CFAP77: variants seen among roughly 807,000 people sequenced by gnomAD.
CFAP77 encodes the protein cilia and flagella associated protein 77.
In CFAP77, 25 loss-of-function variants were observed where a neutral mutation model predicts 31.1. The observed-to-expected ratio is 0.80, with a 90% CI of 0.59 to 1.12. The LOEUF is 1.12. Among genes scored for constraint, CFAP77 ranks in the 50% most tolerant of loss-of-function variants. The pLI is 0.00. For missense variants in CFAP77, 377 were observed against 397.3 expected (o/e 0.95, Z 0.44); for synonymous variants, 151 against 159.9 (o/e 0.94, Z 0.42).
intron 3 of CFAP77, among the ~76,000 whole-genome samples, chr9:132,532,005 T>C (rs75635631): frequency 0.026 from 3,921 of 152,308 alleles, 178 homozygotes; most frequent in African/African-American, 0.09. Flanking sequence ...TTTCAGATTA[T>C]GAATCTAGTG....
chr9:132,457,621 C>G (rs1850943610), intron 1 of CFAP77, among the ~76,000 whole-genome samples: 1 of 152,200 alleles, frequency 6.6e-6, no homozygotes, highest in Middle Eastern at 3.2e-3. Context: ...CGCCTTGTTG[C>G]TGGAATCTGG....
At chr9:132,502,287 G>GGGT (rs1554744830) in intron 3 of CFAP77, among the ~76,000 whole-genome samples, 5 of 147,822 alleles carry the variant, frequency 3.4e-5, no homozygotes, top group Non-Finnish European at 6.0e-5. Context: ...TGGGGGAGGG[G>GGGT]GGTGGTAGTT....
chr9:132,459,209 C>A (rs1358432334), intron 1 of CFAP77, among the ~76,000 whole-genome samples: 3 of 151,880 alleles, frequency 2.0e-5, no homozygotes, highest in Non-Finnish European at 4.4e-5. Flanking sequence ...GTAGCTGGGA[C>A]TACAGGCGCC....
intron 5 of CFAP77, among the ~76,000 whole-genome samples, chr9:132,563,096 T>C (rs1829842587): frequency 1.3e-5 from 2 of 152,042 alleles, no homozygotes; most frequent in African/African-American, 2.4e-5. Flanking sequence ...CATGGCTCAC[T>C]GCGGCCTCCA....
Position 132,412,748 on chromosome 9 carries a change from A to T in CFAP77, c.195+2282A>T, listed in dbSNP as rs182591483. 3.6e-3 allele frequency among the ~76,000 whole-genome samples: 548 copies of T among 152,186 alleles called. 3 individuals carry two copies. The highest frequency in any genetic ancestry group is 5.7e-3 in the Non-Finnish European group (390 of 68,014). On this transcript the variant is annotated intron_variant, in intron 1 of 5. Coordinates refer to ENST00000393216, the MANE Select transcript of CFAP77 (RefSeq NM_001282957.2). ...AACAGCTTCCTATATTAGTTTTTTT[A>T]AAAAAATTATGAAACAACTTTGGTG...
Position 132,481,780 on chromosome 9 carries a change from A to G in CFAP77, c.196-16915A>G, listed in dbSNP as rs1851449969. Among the ~76,000 whole-genome samples, 4 of 152,218 alleles carry G rather than the reference A, an allele frequency of 2.6e-5. No homozygotes were observed. In the South Asian group the frequency reaches 8.3e-4, roughly 32 times the overall value. The stretch of plus-strand genomic sequence containing the variant: ...GCCTCCTCCGCCTCAGCTATCTGCT[A>G]TGCTAACAGGTCAGCTGCCATTTTG... On this transcript the variant is annotated intron_variant, in intron 1 of 5. Coordinates refer to ENST00000393216, the MANE Select transcript of CFAP77 (RefSeq NM_001282957.2). The surrounding 1 kb of genome is among the most constrained non-coding windows in gnomAD (Gnocchi z 5.0).
At chr9:132,500,379 C>T (rs1051594328) in intron 3 of CFAP77, among the ~76,000 whole-genome samples, 2 of 152,118 alleles carry the variant, frequency 1.3e-5, no homozygotes, top group African/African-American at 4.8e-5. Context: ...GCCGAGGTTT[C>T]AGTGACGTAA....
intron 3 of CFAP77, among the ~76,000 whole-genome samples, chr9:132,520,993 C>T (rs1852254683): frequency 6.6e-6 from 1 of 152,250 alleles, no homozygotes; most frequent in Non-Finnish European, 1.5e-5. Context: ...TACTTCTGAA[C>T]ACAGTCCTGA....
chr9:132,571,494 G>T lies in CFAP77; in HGVS notation c.733-894G>T, dbSNP rs12346305. On this transcript the variant is annotated intron_variant, in intron 5 of 5. Transcript: ENST00000393216. Reference sequence around the variant, plus strand: ...TGTCTGCTCTCCCTCTAGAATAAAAGCTCCACGAGGGTAGAGCCGAGTCTC... The same window carrying T: ...TGTCTGCTCTCCCTCTAGAATAAAATCTCCACGAGGGTAGAGCCGAGTCTC... 4.2e-3 allele frequency among the ~76,000 whole-genome samples: 641 copies of T among 152,262 alleles called. 7 individuals are homozygous for T. The highest frequency in any genetic ancestry group is 0.015 in the African/African-American group (614 of 41,558).
chr9:132,550,758 T>C (rs760787345), intron 5 of CFAP77, among the ~76,000 whole-genome samples: 3 of 152,090 alleles, frequency 2.0e-5, no homozygotes, highest in African/African-American at 4.8e-5. Flanking sequence ...TCCCCACTTG[T>C]CAGCCTCCAT....
chr9:132,537,063 T>C (rs1476286305), intron 3 of CFAP77, among the ~76,000 whole-genome samples: 2 of 151,992 alleles, frequency 1.3e-5, no homozygotes, highest in Non-Finnish European at 2.9e-5. Context: ...AGTATAGAAC[T>C]GAGTTCAGTT....
At chr9:132,459,433 G>GTGTGTGTT (rs1275094151) in intron 1 of CFAP77, among the ~76,000 whole-genome samples, 4 of 151,538 alleles carry the variant, frequency 2.6e-5, no homozygotes, top group African/African-American at 9.7e-5. Flanking sequence ...GTGTGTGTGT[G>GTGTGTGTT]TGTGTGTGTG....
At chr9:132,433,818 G>T (rs1850456889) in intron 1 of CFAP77, among the ~76,000 whole-genome samples, 1 of 152,090 alleles carries the variant, frequency 6.6e-6, no homozygotes. Flanking sequence ...AAAGTGCTGT[G>T]ATTACAGGTG....
chr9:132,433,937 G>A (rs1029489170), intron 1 of CFAP77, among the ~76,000 whole-genome samples: 2 of 148,736 alleles, frequency 1.3e-5, no homozygotes, highest in African/African-American at 2.5e-5. Context: ...AGGAGTTAGA[G>A]ACCAGCCTGG....
At chr9:132,475,431 A>G (rs1742358687) in intron 1 of CFAP77, among the ~76,000 whole-genome samples, 1 of 152,178 alleles carries the variant, frequency 6.6e-6, no homozygotes, top group Non-Finnish European at 1.5e-5. Context: ...GCGTTACAGA[A>G]CCCAGGCTGG....
chr9:132,513,638 T>G (rs1194696538), intron 3 of CFAP77, among the ~76,000 whole-genome samples: 4 of 152,220 alleles, frequency 2.6e-5, no homozygotes, highest in Non-Finnish European at 5.9e-5. Context: ...TGTCCCACTG[T>G]CTGAATCGTC....
intron 3 of CFAP77, among the ~76,000 whole-genome samples, chr9:132,514,682 T>G (rs78790331): frequency 1.0e-3 from 159 of 152,230 alleles, no homozygotes; most frequent in African/African-American, 3.5e-3. Context: ...GACCTCTCAT[T>G]CAGATTTAGA....
At chr9:132,556,534 T>G (rs1416951524) in intron 5 of CFAP77, among the ~76,000 whole-genome samples, 2 of 152,086 alleles carry the variant, frequency 1.3e-5, no homozygotes, top group Non-Finnish European at 2.9e-5. Context: ...AGGCAGTTTT[T>G]GAAAGGTGAA....
At chr9:132,447,428 G>A (rs1380936366) in intron 1 of CFAP77, among the ~76,000 whole-genome samples, 2 of 152,168 alleles carry the variant, frequency 1.3e-5, no homozygotes, top group Non-Finnish European at 2.9e-5. Context: ...GCAGGTAATC[G>A]AAAGCAGACT....
Sources: gnomAD v4.1 joint callset for allele counts (sites outside exome capture counted in the v4.1 genomes callset) on GRCh38, gnomAD v4.1.1 for gene constraint, Gnocchi (gnomAD v3.1) non-coding constraint, MANE v1.5 for transcripts, NCBI Gene and HGNC (gene_info 2026-07-23, HGNC 2026-07-21) for gene names.